Variants in AGAP1 observed in about 807,000 individuals in gnomAD.
AGAP1 encodes the protein ArfGAP with GTPase domain, ankyrin repeat and PH domain 1, also known as arf-GAP with GTPase, ANK repeat and PH domain-containing protein 1.
In AGAP1, 29 loss-of-function variants were observed where a neutral mutation model predicts 105.3. That is an observed-to-expected ratio of 0.28 (90% CI 0.21 to 0.38). The LOEUF (loss-of-function observed/expected upper bound fraction) is 0.38, where lower values mean the gene tolerates loss of function less well. Ranked by LOEUF, AGAP1 falls within the 10% of genes least tolerant of loss-of-function variation. The probability of loss-of-function intolerance (pLI) is 1.00; values close to 1 mark genes in which losing one functional copy is unlikely to be tolerated. For synonymous variants in AGAP1, 509 were observed against 485.9 expected, an observed-to-expected ratio of 1.05 and a Z score of -0.63; for missense variants, 998 against 1,165.1, an observed-to-expected ratio of 0.86 and a Z score of 2.09.
At chr2:236,007,054 T>C (rs2056346302) in intron 13 of AGAP1, among the ~76,000 whole-genome samples, 2 of 147,154 alleles carry the variant, frequency 1.4e-5, no homozygotes, top group African/African-American at 5.1e-5. Flanking sequence ...TCAAAGCAGT[T>C]TTATGGGAGG....
At chr2:235,899,307 G>A (rs994301591) in intron 10 of AGAP1, among the ~76,000 whole-genome samples, 5 of 152,262 alleles carry the variant, frequency 3.3e-5, no homozygotes, top group Admixed American at 1.3e-4. Context: ...GAGATCAGGC[G>A]TTCAAGGCCA....
chr2:236,060,676 C>T (rs2058166611), intron 16 of AGAP1, among the ~76,000 whole-genome samples: 1 of 151,874 alleles, frequency 6.6e-6, no homozygotes, highest in Non-Finnish European at 1.5e-5. Flanking sequence ...GCCTGGGCCG[C>T]AGAGTGAGAC....
intron 1 of AGAP1, chr2:235,669,856 G>T (rs1032504107): frequency 6.8e-6 from 1 of 147,744 alleles, no homozygotes; most frequent in Non-Finnish European, 1.5e-5. Context: ...GCGCCTGACC[G>T]GCCGCCTCGC....
chr2:235,695,775 A>T (rs1396348783), intron 1 of AGAP1, among the ~76,000 whole-genome samples: 1 of 152,216 alleles, frequency 6.6e-6, no homozygotes, highest in Non-Finnish European at 1.5e-5. Context: ...GCGTATTCAC[A>T]GGAGCATCTG....
chr2:236,036,679 G>C lies in AGAP1; in HGVS notation c.1764G>C (p.Leu588=). 6.2e-7 allele frequency: 1 copy of C among 1,614,232 alleles called. No individual in the cohort carries two copies. The highest frequency in any genetic ancestry group is 8.5e-7 in the Non-Finnish European group (1 of 1,180,048). ...AWVQAIESQI[L]ASLQSCESSK... ...TCCAAGCCATCGAGAGCCAGATCCT[G>C]GCCAGCCTGCAGTCGTGCGAGAGCA... The change falls in exon 14 of 18, where the codon CTG becomes CTC. Residue 588 remains leucine (L), a synonymous_variant. Transcript: ENST00000304032. The surrounding 1 kb of genome is among the most constrained non-coding windows in gnomAD (Gnocchi z 5.7).
chr2:235,605,857 C>G (rs547154616), intron 1 of AGAP1, among the ~76,000 whole-genome samples: 1 of 152,188 alleles, frequency 6.6e-6, no homozygotes, highest in African/African-American at 2.4e-5. Context: ...GCCATGGCAA[C>G]GCAGGCATGC....
chr2:236,069,479 A>G (rs1311171107), intron 16 of AGAP1, among the ~76,000 whole-genome samples: 2 of 152,222 alleles, frequency 1.3e-5, no homozygotes, highest in African/African-American at 4.8e-5. Flanking sequence ...TCTGGAGTGC[A>G]GTGGCACAAC....
At chr2:235,990,151 G>A (rs1193920982) in intron 13 of AGAP1, among the ~76,000 whole-genome samples, 2 of 152,110 alleles carry the variant, frequency 1.3e-5, no homozygotes, top group African/African-American at 4.8e-5. Flanking sequence ...CTGTCTTATT[G>A]GTTTAAATCA....
chr2:235,711,790 T>C (rs1176238985), intron 2 of AGAP1, among the ~76,000 whole-genome samples: 1 of 152,198 alleles, frequency 6.6e-6, no homozygotes, highest in East Asian at 1.9e-4. Context: ...CCTATAGGGC[T>C]GCAATTGTTT....
Position 235,744,600 on chromosome 2 carries a change from C to A in AGAP1, c.397-98C>A. Reference sequence around the variant, plus strand: ...CACCCAGTGTGTGACCGAGGGGATTCCTGCAGCCCCCTGCTGCCTGCCGCC... The same window carrying A: ...CACCCAGTGTGTGACCGAGGGGATTACTGCAGCCCCCTGCTGCCTGCCGCC... On this transcript the variant is annotated intron_variant, in intron 4 of 17. Coordinates refer to ENST00000304032, the MANE Select transcript of AGAP1 (RefSeq NM_001037131.3). This position sits in a 1 kb window ranked among gnomAD's most constrained non-coding sequence, Gnocchi z 5.2. 1 of 1,466,066 alleles carries A rather than the reference C, an allele frequency of 6.8e-7. No homozygotes were observed. The highest frequency in any genetic ancestry group is 9.4e-7 in the Non-Finnish European group (1 of 1,062,338). The allele number at this position is 1,466,066 out of a possible 1,614,324, so 90.8% of individuals were successfully genotyped here.
intron 1 of AGAP1, among the ~76,000 whole-genome samples, chr2:235,579,539 G>A (rs1431281667): frequency 6.6e-6 from 1 of 152,084 alleles, no homozygotes; most frequent in African/African-American, 2.4e-5. Flanking sequence ...ACTTTGGGAG[G>A]CCTAGGCGGG....
rs1028628869 is a variant in AGAP1 at position 235,577,692 on chromosome 2, C to T, written c.163+82843C>T. 1.3e-5 allele frequency among the ~76,000 whole-genome samples: 2 copies of T among 152,004 alleles called. No homozygotes were observed. Among genetic ancestry groups the T allele is most frequent in the Admixed American group, 6.6e-5 (1 of 15,248 alleles). On this transcript the variant is annotated intron_variant, in intron 1 of 17. Transcript: ENST00000304032. This position sits in a 1 kb window ranked among gnomAD's most constrained non-coding sequence, Gnocchi z 4.5. ...CATTCGCCGAGTGGAACGTGTGTGT[C>T]GTCATCCCCTCGAAGGCTTGGCTGA...
intron 1 of AGAP1, among the ~76,000 whole-genome samples, chr2:235,587,925 C>T (rs1945179663): frequency 6.6e-6 from 1 of 151,924 alleles, no homozygotes; most frequent in Non-Finnish European, 1.5e-5. Flanking sequence ...AGTCATCTGG[C>T]AGCCTTAGAA....
intron 6 of AGAP1, among the ~76,000 whole-genome samples, chr2:235,765,463 A>G (rs1259366205): frequency 6.6e-6 from 1 of 152,140 alleles, no homozygotes; most frequent in Admixed American, 6.5e-5. Context: ...TAAATTAATC[A>G]GCAGCAGTCC....
rs1020949289 is a variant in AGAP1, at chr2:235,904,552, T to C, written c.1156-4186T>C. 2.0e-5 allele frequency among the ~76,000 whole-genome samples: 3 copies of C among 152,192 alleles called. No homozygotes were observed. Among genetic ancestry groups the C allele is most frequent in the Non-Finnish European group, 2.9e-5 (2 of 68,028 alleles). On this transcript the variant is annotated intron_variant, in intron 10 of 17. Coordinates refer to ENST00000304032, the MANE Select transcript of AGAP1 (RefSeq NM_001037131.3). The surrounding 1 kb of genome is among the most constrained non-coding windows in gnomAD (Gnocchi z 4.2). The stretch of plus-strand genomic sequence containing the variant: ...GCCTTGTTAAAGGGTTTTTCCTCTT[T>C]TATCTTCGATCAGCATTTTCAACAA...
intron 11 of AGAP1, among the ~76,000 whole-genome samples, chr2:235,913,627 A>G (rs1036693685): frequency 2.0e-5 from 3 of 152,300 alleles, no homozygotes; most frequent in Middle Eastern, 6.8e-3. Context: ...ATCTGGTAGT[A>G]TAACACAGTT....
intron 1 of AGAP1, among the ~76,000 whole-genome samples, chr2:235,637,665 A>G (rs1220207441): frequency 2.0e-5 from 3 of 152,168 alleles, no homozygotes; most frequent in Admixed American, 2.0e-4. Context: ...ACATAGGAAG[A>G]GGAAGTATTG....
At chr2:235,519,806 G>T (rs1942547653) in intron 1 of AGAP1, among the ~76,000 whole-genome samples, 1 of 151,994 alleles carries the variant, frequency 6.6e-6, no homozygotes, top group Non-Finnish European at 1.5e-5. Flanking sequence ...TTTTGAGACG[G>T]AGTCTTGCTC....
chr2:235,604,990 C>A (rs12151744), intron 1 of AGAP1, among the ~76,000 whole-genome samples: 44,777 of 151,874 alleles, frequency 0.29, 6,797 homozygotes, highest in South Asian at 0.38. Flanking sequence ...AAGCGATTCT[C>A]GTGCCTCAGC....
Sources: allele counts gnomAD v4.1 joint callset (sites outside exome capture counted in the v4.1 genomes callset), GRCh38; gene constraint gnomAD v4.1.1; non-coding constraint Gnocchi (gnomAD v3.1); transcripts MANE v1.5; gene names NCBI Gene and HGNC (gene_info 2026-07-23, HGNC 2026-07-21).